The following LRRC4C variants were observed in gnomAD, a reference collection of about 807,000 sequenced individuals.
The protein encoded by LRRC4C is leucine-rich repeat-containing protein 4C.
A neutral mutation model predicts 33.6 loss-of-function variants in LRRC4C; 5 were observed. The ratio of observed to expected loss-of-function variants is 0.15; its 90% CI spans 0.08 to 0.31. LRRC4C has a LOEUF of 0.31. LRRC4C is among the 10% of genes least tolerant of loss of function. The pLI is 1.00. For missense variants in LRRC4C, 560 were observed against 796.7 expected (o/e 0.70, Z 3.58); for synonymous variants, 329 against 302.0 (o/e 1.09, Z -0.93).
chr11:40,181,266 C>T (rs538378151), intron 5 of LRRC4C, among the ~76,000 whole-genome samples: 1 of 152,130 alleles, frequency 6.6e-6, no homozygotes, highest in East Asian at 1.9e-4. Context: ...TGCATAACAC[C>T]ACATATATTT....
intron 2 of LRRC4C, among the ~76,000 whole-genome samples, chr11:40,912,126 G>T (rs1956726679): frequency 6.6e-6 from 1 of 152,158 alleles, no homozygotes; most frequent in African/African-American, 2.4e-5. Context: ...CACTCTGCAG[G>T]ATATTATCCA....
At chr11:40,132,296 T>C (rs1477490487) in intron 6 of LRRC4C, among the ~76,000 whole-genome samples, 1 of 152,192 alleles carries the variant, frequency 6.6e-6, no homozygotes, top group Non-Finnish European at 1.5e-5. Context: ...AGGTCTTGAG[T>C]AAATTCCTCA....
At chr11:41,396,336 T>A (rs1953812429) in intron 1 of LRRC4C, among the ~76,000 whole-genome samples, 2 of 151,980 alleles carry the variant, frequency 1.3e-5, no homozygotes, top group South Asian at 2.1e-4. Flanking sequence ...AGCAAAAAAA[T>A]TAAGATAGGT....
chr11:41,164,553 A>G (rs1944634498), intron 1 of LRRC4C, among the ~76,000 whole-genome samples: 2 of 152,170 alleles, frequency 1.3e-5, no homozygotes, highest in South Asian at 2.1e-4. Flanking sequence ...ACATAACTCT[A>G]TGTGCTGCAC....
intron 1 of LRRC4C, among the ~76,000 whole-genome samples, chr11:41,271,878 T>C (rs1949332679): frequency 6.6e-6 from 1 of 152,178 alleles, no homozygotes; most frequent in African/African-American, 2.4e-5. Flanking sequence ...ATTGTTAAAC[T>C]ACCACTATAT....
chr11:41,324,424 C>A (rs1951046903), intron 1 of LRRC4C, among the ~76,000 whole-genome samples: 1 of 152,058 alleles, frequency 6.6e-6, no homozygotes, highest in Non-Finnish European at 1.5e-5. Flanking sequence ...GAGTGAAACT[C>A]CCTCTCAAAA....
chr11:40,695,285 A>C (rs773477349), intron 2 of LRRC4C, among the ~76,000 whole-genome samples: 1 of 152,116 alleles, frequency 6.6e-6, no homozygotes, highest in Non-Finnish European at 1.5e-5. Flanking sequence ...TAGTTTGATC[A>C]CTTACTTTCA....
intron 2 of LRRC4C, among the ~76,000 whole-genome samples, chr11:40,865,523 A>ATATATG (rs1491073727): frequency 2.6e-5 from 4 of 151,082 alleles, no homozygotes; most frequent in Non-Finnish European, 5.9e-5. Flanking sequence ...ATATATATAT[A>ATATATG]TATATATATA....
intron 3 of LRRC4C, among the ~76,000 whole-genome samples, chr11:40,546,193 A>G (rs576706820): frequency 1.3e-5 from 2 of 151,474 alleles, no homozygotes; most frequent in East Asian, 3.9e-4. Flanking sequence ...TCCAGTTAAC[A>G]ATAAACAAAA....
intron 3 of LRRC4C, among the ~76,000 whole-genome samples, chr11:40,532,531 C>T (rs2135321454): frequency 6.6e-6 from 1 of 151,636 alleles, no homozygotes; most frequent in African/African-American, 2.4e-5. Context: ...CAATCTGTGG[C>T]CAGGATGGAA....
At chr11:41,391,939 G>A (rs972010583) in intron 1 of LRRC4C, among the ~76,000 whole-genome samples, 1 of 151,844 alleles carries the variant, frequency 6.6e-6, no homozygotes, top group African/African-American at 2.4e-5. Flanking sequence ...GGAGAAGCAG[G>A]CATCACTGCT....
chr11:41,293,720 C>T (rs898056290), intron 1 of LRRC4C, among the ~76,000 whole-genome samples: 1 of 152,102 alleles, frequency 6.6e-6, no homozygotes, highest in South Asian at 2.1e-4. Context: ...GCCTCAGCCT[C>T]CCGAGTAGCT....
intron 3 of LRRC4C, among the ~76,000 whole-genome samples, chr11:40,431,000 T>G (rs985333781): frequency 7.0e-6 from 1 of 142,908 alleles, no homozygotes; most frequent in Non-Finnish European, 1.5e-5. Flanking sequence ...TAATGCTAGA[T>G]GAGGAGTTAG....
At chr11:40,610,698 A>T (rs1335101753) in intron 3 of LRRC4C, among the ~76,000 whole-genome samples, 1 of 151,934 alleles carries the variant, frequency 6.6e-6, no homozygotes, top group African/African-American at 2.4e-5. Flanking sequence ...AGCTCAACAT[A>T]TAAAAATCGG....
At chr11:40,913,675 A>G (rs1048601651) in intron 2 of LRRC4C, among the ~76,000 whole-genome samples, 3 of 152,076 alleles carry the variant, frequency 2.0e-5, no homozygotes, top group Admixed American at 6.6e-5. Context: ...AAAGCTAGCA[A>G]AAGGCAAGAA....
intron 1 of LRRC4C, among the ~76,000 whole-genome samples, chr11:41,157,913 C>T (rs950449190): frequency 6.6e-6 from 1 of 152,096 alleles, no homozygotes; most frequent in Non-Finnish European, 1.5e-5. Flanking sequence ...TCCAATTATA[C>T]TCTTTATTTT....
intron 3 of LRRC4C, among the ~76,000 whole-genome samples, chr11:40,594,536 T>C (rs992024387): frequency 6.6e-6 from 1 of 152,240 alleles, no homozygotes; most frequent in Non-Finnish European, 1.5e-5. Flanking sequence ...TGATCTATTA[T>C]GTGGTTGATA....
At chr11:41,276,831 G>A (rs973011236) in intron 1 of LRRC4C, among the ~76,000 whole-genome samples, 5 of 152,106 alleles carry the variant, frequency 3.3e-5, no homozygotes, top group Non-Finnish European at 4.4e-5. Flanking sequence ...GCTAAGAAAC[G>A]CAGGCAGCCA....
At chr11:40,614,695 T>C (rs1961586821) in intron 3 of LRRC4C, among the ~76,000 whole-genome samples, 1 of 151,634 alleles carries the variant, frequency 6.6e-6, no homozygotes, top group South Asian at 2.1e-4. Context: ...GTGAGAGCCA[T>C]GTGAGTCTTC....
Sources: allele counts gnomAD v4.1 joint callset (sites outside exome capture counted in the v4.1 genomes callset), GRCh38; gene constraint gnomAD v4.1.1; transcripts MANE v1.5; gene names NCBI Gene and HGNC (gene_info 2026-07-23, HGNC 2026-07-21).